Variants in CEP63 observed in about 807,000 individuals in gnomAD.
CEP63 encodes the protein centrosomal protein 63, also known as centrosomal protein of 63 kDa.
Under a neutral mutation model 89.1 loss-of-function variants are expected in CEP63, and 84 were observed. The observed-to-expected ratio is 0.94, with a 90% confidence interval of 0.79 to 1.13. The LOEUF (loss-of-function observed/expected upper bound fraction) is 1.13. CEP63 is among the 50% of genes most tolerant of loss of function. The pLI, the probability that CEP63 is intolerant of heterozygous loss-of-function variation, is 0.00. For missense variants in CEP63, 838 were observed against 813.3 expected (o/e 1.03, Z -0.37); for synonymous variants, 267 against 272.5 (o/e 0.98, Z 0.20).
the CEP63 span, among the ~76,000 whole-genome samples, chr3:134,750,062 T>C: frequency 1.3e-5 from 2 of 152,236 alleles, no homozygotes; most frequent in Non-Finnish European, 2.9e-5. Flanking sequence ...AACACCTCAT[T>C]TCACCTGCCT....
chr3:134,592,408 T>C (rs778592565), downstream of CEP63, among the ~76,000 whole-genome samples: 1 of 151,850 alleles, frequency 6.6e-6, no homozygotes, highest in African/African-American at 2.4e-5. Context: ...CTTTTGAATG[T>C]AGGAGCACCA....
chr3:134,727,158 T>C, the CEP63 span, among the ~76,000 whole-genome samples: 1 of 152,112 alleles, frequency 6.6e-6, no homozygotes, highest in East Asian at 1.9e-4. Flanking sequence ...GAGTTCTGCT[T>C]AGAACACCAA....
the CEP63 span, among the ~76,000 whole-genome samples, chr3:134,690,742 G>GTTTTTTTTTTTTTTTT: frequency 2.4e-5 from 2 of 84,942 alleles, no homozygotes; most frequent in African/African-American, 5.8e-5. Flanking sequence ...GGAAGACCAA[G>GTTTTTTTTTTTTTTTT]ATTTTTTTTT....
At chr3:134,665,181 G>A in the CEP63 span, among the ~76,000 whole-genome samples, 1 of 151,748 alleles carries the variant, frequency 6.6e-6, no homozygotes, top group African/African-American at 2.4e-5. Context: ...TGGGCTGGGG[G>A]AATGGGTCCA....
At chr3:134,684,612 G>T in the CEP63 span, among the ~76,000 whole-genome samples, 5 of 152,370 alleles carry the variant, frequency 3.3e-5, no homozygotes, top group Non-Finnish European at 7.3e-5. Context: ...AGGTAGGGCC[G>T]ACTGGGCCGG....
chr3:134,606,049 A>C, the CEP63 span, among the ~76,000 whole-genome samples: 1 of 152,162 alleles, frequency 6.6e-6, no homozygotes, highest in Non-Finnish European at 1.5e-5. Flanking sequence ...AGATCAATAG[A>C]GTTGCTATCC....
chr3:134,525,461 G>GA (rs754752757), intron 3 of CEP63, among the ~76,000 whole-genome samples: 4 of 152,120 alleles, frequency 2.6e-5, no homozygotes, highest in Non-Finnish European at 5.9e-5. Context: ...ATACCAATGG[G>GA]TCTTGATTCT....
the CEP63 span, among the ~76,000 whole-genome samples, chr3:134,775,356 T>C: frequency 4.6e-5 from 7 of 152,262 alleles, no homozygotes; most frequent in East Asian, 1.2e-3. Context: ...AGAGCACAGA[T>C]TGTAACAAAG....
intron 11 of CEP63, among the ~76,000 whole-genome samples, chr3:134,571,404 G>A (rs62271509): frequency 5.4e-4 from 82 of 152,290 alleles, no homozygotes; most frequent in South Asian, 4.4e-3. Context: ...TACAAAGGCC[G>A]GGTGTGGTGG....
chr3:134,640,755 C>T, the CEP63 span, among the ~76,000 whole-genome samples: 323 of 152,322 alleles, frequency 2.1e-3, 3 homozygotes, highest in Non-Finnish European at 2.9e-3. Flanking sequence ...TCATCTTCAT[C>T]CTCCCCATTG....
chr3:134,519,404 G>A (rs1946959857), intron 3 of CEP63, among the ~76,000 whole-genome samples: 1 of 152,120 alleles, frequency 6.6e-6, no homozygotes, highest in South Asian at 2.1e-4. Flanking sequence ...AAAGTGCTGG[G>A]ATTACAGGCG....
At chr3:134,521,188 T>G (rs952925469) in intron 3 of CEP63, among the ~76,000 whole-genome samples, 3 of 152,124 alleles carry the variant, frequency 2.0e-5, no homozygotes, top group Admixed American at 1.3e-4. Context: ...TTTCACAGGT[T>G]ACTAGGAAAA....
downstream of CEP63, among the ~76,000 whole-genome samples, chr3:134,577,193 T>C (rs1221437781): frequency 6.6e-6 from 1 of 151,816 alleles, no homozygotes; most frequent in Non-Finnish European, 1.5e-5. Flanking sequence ...TCAACCAGAA[T>C]GGGGCTGTTT....
the CEP63 span, among the ~76,000 whole-genome samples, chr3:134,602,592 C>T: frequency 6.6e-6 from 1 of 152,196 alleles, no homozygotes; most frequent in Non-Finnish European, 1.5e-5. Context: ...CACTGCACTA[C>T]TCACCTGATC....
chr3:134,534,004 C>T (rs1458056636), intron 5 of CEP63, among the ~76,000 whole-genome samples: 38 of 152,144 alleles, frequency 2.5e-4, no homozygotes, highest in Admixed American at 2.5e-3. Flanking sequence ...TCTTGCTTCT[C>T]ATTGCCACTT....
At chr3:134,687,743 A>C in the CEP63 span, among the ~76,000 whole-genome samples, 1 of 152,206 alleles carries the variant, frequency 6.6e-6, no homozygotes, top group Non-Finnish European at 1.5e-5. Flanking sequence ...TCAGGCCTCA[A>C]AAAAGTTAGG....
chr3:134,638,752 C>T, the CEP63 span, among the ~76,000 whole-genome samples: 1 of 152,250 alleles, frequency 6.6e-6, no homozygotes, highest in Non-Finnish European at 1.5e-5. Context: ...CTGACAGCTG[C>T]TCTCCAGATC....
At chr3:134,682,684 G>A in the CEP63 span, among the ~76,000 whole-genome samples, 1 of 152,196 alleles carries the variant, frequency 6.6e-6, no homozygotes, top group East Asian at 1.9e-4. Context: ...GAATGTTACT[G>A]ATGAAGATGA....
the CEP63 span, among the ~76,000 whole-genome samples, chr3:134,652,912 G>C: frequency 6.6e-6 from 1 of 152,180 alleles, no homozygotes; most frequent in Non-Finnish European, 1.5e-5. Flanking sequence ...GAGTGTTGGT[G>C]ATGGTGGGGG....
Sources: gnomAD v4.1 joint callset for allele counts (sites outside exome capture counted in the v4.1 genomes callset) on GRCh38, gnomAD v4.1.1 for gene constraint, MANE v1.5 for transcripts, NCBI Gene and HGNC (gene_info 2026-07-23, HGNC 2026-07-21) for gene names.